SLC4A8: variants seen among roughly 807,000 people sequenced by gnomAD.
The protein encoded by SLC4A8 is electroneutral sodium bicarbonate exchanger 1.
Under a neutral mutation model 125.0 loss-of-function variants are expected in SLC4A8, and 40 were observed. The ratio of observed to expected loss-of-function variants is 0.32; its 90% confidence interval spans 0.25 to 0.42. The LOEUF (loss-of-function observed/expected upper bound fraction) is 0.42. SLC4A8 is among the 10% of genes least tolerant of loss of function. The probability of loss-of-function intolerance (pLI) is 1.00; values close to 1 mark genes in which losing one functional copy is unlikely to be tolerated. For missense variants in SLC4A8, 863 were observed against 1,355.1 expected (o/e 0.64, Z 5.70); for synonymous variants, 456 against 476.0 (o/e 0.96, Z 0.55).
At chr12:51,474,606 G>C in intron 15 of SLC4A8, 159 bp downstream of exon 15, 1 of 1,335,316 alleles carries the variant, frequency 7.5e-7, no homozygotes, top group Non-Finnish European at 1.0e-6. Flanking sequence ...TATCCTTTCA[G>C]AATTTTTCTT....
chr12:51,433,587 T>A (rs1949266741), intron 1 of SLC4A8, among the ~76,000 whole-genome samples: 1 of 152,122 alleles, frequency 6.6e-6, no homozygotes, highest in African/African-American at 2.4e-5. Context: ...ACCCTAGAAA[T>A]CCATGGACCA....
At chr12:51,437,690 G>A (rs1949463600) in intron 1 of SLC4A8, among the ~76,000 whole-genome samples, 1 of 152,184 alleles carries the variant, frequency 6.6e-6, no homozygotes, top group African/African-American at 2.4e-5. Context: ...CCCAGTCTCA[G>A]GTATTCCATT....
chr12:51,428,841 C>G (rs1416975915), intron 1 of SLC4A8, among the ~76,000 whole-genome samples: 1 of 152,170 alleles, frequency 6.6e-6, no homozygotes, highest in African/African-American at 2.4e-5. Flanking sequence ...AATTATGGAA[C>G]TTTATTATTG....
Position 51,474,409 on chromosome 12 carries a change from G to A in SLC4A8, c.1972G>A (p.Val658Met), listed in dbSNP as rs144293610. ...TLQYWKDHNIVTAEVHWANLT... is the reference protein window; with the variant it reads ...TLQYWKDHNIMTAEVHWANLT... ...CCAGTACTGGAAGGACCACAACATC[G>A]TGACAGCAGAAGTCCACTGGGCTAA... The change falls in exon 15 of 25, where the codon GTG becomes ATG. Residue 658 changes from valine to methionine, a missense_variant. Around this residue, in one of 6 missense-constraint regions of SLC4A8, gnomAD observed 76 missense variants for 80.2 expected, o/e 0.95. Coordinates refer to ENST00000453097, the MANE Select transcript of SLC4A8 (RefSeq NM_001039960.3). The A allele has an allele frequency of 1.8e-5, 29 of 1,613,628 alleles. No homozygotes were observed. The highest frequency in any genetic ancestry group is 2.7e-5 in the African/African-American group (2 of 75,028).
At chr12:51,415,525 T>C (rs1236749156) in intron 1 of SLC4A8, among the ~76,000 whole-genome samples, 1 of 152,126 alleles carries the variant, frequency 6.6e-6, no homozygotes, top group East Asian at 1.9e-4. Context: ...ATTGTGAGCT[T>C]TACTTATGTT....
chr12:51,497,143 A>T lies in SLC4A8; in HGVS notation c.3081+19A>T, dbSNP rs776149894. 8.1e-6 allele frequency: 13 copies of T among 1,597,214 alleles called. No homozygotes were observed. The Admixed American group carries it at 9.1e-5, about 11-fold the overall frequency. ...GGAAGAGGTCATAGTCCTTGCACCAACTGTATACCTGGGGGCCTCAAATTA... is the reference window on the plus strand; with the variant it reads ...GGAAGAGGTCATAGTCCTTGCACCATCTGTATACCTGGGGGCCTCAAATTA... On this transcript the variant is annotated intron_variant, in intron 22 of 24. Transcript: ENST00000453097.
rs1311446976 is a variant in SLC4A8, at chr12:51,463,691, G to A, written c.1326G>A (p.Gly442=). The change falls in exon 11 of 25, where the codon GGG becomes GGA. Residue 442 remains glycine, a synonymous_variant. Transcript: ENST00000453097. The part of the protein sequence containing the change: ...IEQEPHGGHS[G]PELQRTGRLF... ...AGGAACCACATGGGGGTCACAGTGG[G>A]CCAGAACTTCAGCGCACTGGGCGGT... 6.2e-7 allele frequency: 1 copy of A among 1,613,788 alleles called. No individual in the cohort carries two copies. Among genetic ancestry groups the A allele is most frequent in the Admixed American group, 1.7e-5 (1 of 60,022 alleles).
At chr12:51,409,141 C>T (rs934352885) in intron 1 of SLC4A8, among the ~76,000 whole-genome samples, 1 of 152,150 alleles carries the variant, frequency 6.6e-6, no homozygotes, top group Admixed American at 6.5e-5. Context: ...CCTCCCGTCT[C>T]AGCCTACCAA....
chr12:51,401,889 T>C (rs956483056), intron 1 of SLC4A8, among the ~76,000 whole-genome samples: 1 of 152,006 alleles, frequency 6.6e-6, no homozygotes, highest in African/African-American at 2.4e-5. Flanking sequence ...CTCAGCCCCC[T>C]GAGTAGCTGG....
intron 2 of SLC4A8, among the ~76,000 whole-genome samples, chr12:51,448,620 C>G (rs1353986357): frequency 6.6e-6 from 1 of 152,068 alleles, no homozygotes; most frequent in Non-Finnish European, 1.5e-5. Context: ...TGCAAGTGAA[C>G]CAGGGGAGGG....
chr12:51,451,265 G>T (rs1206362098), intron 3 of SLC4A8, among the ~76,000 whole-genome samples: 1 of 152,178 alleles, frequency 6.6e-6, no homozygotes, highest in African/African-American at 2.4e-5. Context: ...TGTATTTTTG[G>T]TAGAGACCGG....
In SLC4A8 at chr12:51,475,075, G is replaced by C; in HGVS notation, c.2041G>C (p.Gly681Arg). 3 of 1,613,900 alleles carry C rather than the reference G, an allele frequency of 1.9e-6. No homozygotes were observed. Among genetic ancestry groups the C allele is most frequent in the Non-Finnish European group, 2.5e-6 (3 of 1,179,918 alleles). ...CCAGGAGATGCATGGAGAGTTCATG[G>C]GATCTGCGTGCGGCCATCATGGACC... ...ECQEMHGEFM[G>R]SACGHHGPYT... is the part of the protein sequence containing the mutation. Residue 681 changes from glycine to arginine, a missense_variant, in exon 16 of 25, where the codon GGA becomes CGA. Physicochemically the swap from Gly to Arg is moderately radical, Grantham distance 125. This residue lies in a region of SLC4A8 where 197 missense variants were observed against 377.7 expected (regional missense o/e 0.52). Transcript: ENST00000453097.
chr12:51,424,046 AAAAAAAAC>A (rs1481918979), upstream of SLC4A8, among the ~76,000 whole-genome samples: 165 of 51,610 alleles, frequency 3.2e-3, 1 homozygote, highest in Middle Eastern at 8.9e-3. Context: ...CCAAAAAAAA[AAAAAAAAC>A]AAAAAAAACA....
chr12:51,461,068 GTCT>G (rs1449859719), intron 8 of SLC4A8, 133 bp from the exon 9 acceptor site: 2 of 510,192 alleles, frequency 3.9e-6, no homozygotes, highest in African/African-American at 2.0e-5. Flanking sequence ...CTTCATTACT[GTCT>G]TCTTTTTTTT....
intron 5 of SLC4A8, 117 bp downstream of exon 5, chr12:51,453,816 C>A (rs1321655834): frequency 2.1e-4 from 150 of 726,620 alleles, no homozygotes; most frequent in Middle Eastern, 1.0e-3. Context: ...GGGCAAGCCA[C>A]AACCTTCCTG....
intron 1 of SLC4A8, among the ~76,000 whole-genome samples, chr12:51,396,925 A>ATTTTTTTTTTTTTTTTTTTTTTTTTTTTT (rs753146267): frequency 2.8e-5 from 3 of 106,314 alleles, no homozygotes; most frequent in African/African-American, 3.7e-5. Context: ...GCCTTAGTTA[A>ATTTTTTTTTTTTTTTTTTTTTTTTTTTTT]TTTTTTTTTT....
chr12:51,448,092 G>A (rs1255521412), intron 2 of SLC4A8, among the ~76,000 whole-genome samples: 1 of 152,152 alleles, frequency 6.6e-6, no homozygotes, highest in East Asian at 1.9e-4. Context: ...TTTTCCCACT[G>A]AATGTATAAT....
At chr12:51,436,137 TTCTC>T (rs1419379453) in intron 1 of SLC4A8, among the ~76,000 whole-genome samples, 3 of 152,238 alleles carry the variant, frequency 2.0e-5, no homozygotes, top group African/African-American at 7.2e-5. Flanking sequence ...TGTATCTCCT[TTCTC>T]TCTTGCCGAG....
intron 16 of SLC4A8, among the ~76,000 whole-genome samples, chr12:51,476,113 A>G (rs578187170): frequency 1.3e-5 from 2 of 152,376 alleles, no homozygotes; most frequent in South Asian, 2.1e-4. Flanking sequence ...AAGAAGCCAC[A>G]TACCTTTTTA....
Sources: gnomAD v4.1 joint callset for allele counts (sites outside exome capture counted in the v4.1 genomes callset) on GRCh38, gnomAD v4.1.1 for gene constraint, gnomAD v4.1.1 regional missense constraint, MANE v1.5 for transcripts, NCBI Gene and HGNC (gene_info 2026-07-23, HGNC 2026-07-21) for gene names.